Variants in EYS observed in about 807,000 individuals in gnomAD.
The protein encoded by EYS is EGF-like photoreceptor maintenance factor, also known as protein eyes shut homolog.
A neutral mutation model predicts 282.1 loss-of-function variants in EYS; 250 were observed. That is an observed-to-expected ratio of 0.89 (90% CI 0.80 to 0.98). The LOEUF is 0.98. Among genes scored for constraint, EYS ranks in the 50% least tolerant of loss-of-function variants. The pLI is 0.00. For synonymous variants in EYS, 1,355 were observed against 1,282.9 expected (o/e 1.06, Z -1.20); for missense variants, 4,016 against 3,709.0 (o/e 1.08, Z -2.15).
intron 33 of EYS, among the ~76,000 whole-genome samples, chr6:64,019,048 T>G (rs1193724336): frequency 6.6e-6 from 1 of 152,166 alleles, no homozygotes; most frequent in East Asian, 1.9e-4. Context: ...GTGCTGGGAT[T>G]ACAGGTGTGA....
chr6:65,227,000 C>T (rs1475888481), intron 12 of EYS, among the ~76,000 whole-genome samples: 5 of 151,942 alleles, frequency 3.3e-5, no homozygotes, highest in African/African-American at 7.3e-5. Context: ...TTTGGGAGGC[C>T]GAGGCCTGTG....
At chr6:65,630,100 C>T (rs1766860000) in intron 2 of EYS, among the ~76,000 whole-genome samples, 1 of 152,204 alleles carries the variant, frequency 6.6e-6, no homozygotes, top group Non-Finnish European at 1.5e-5. Flanking sequence ...GTAAAAGCAC[C>T]TCATAAATTC....
At chr6:63,935,103 GGA>G (rs1193406135) in intron 35 of EYS, among the ~76,000 whole-genome samples, 2 of 152,022 alleles carry the variant, frequency 1.3e-5, no homozygotes, top group African/African-American at 2.4e-5. Flanking sequence ...ATGTCTTCAT[GGA>G]AATTTTTCCA....
intron 30 of EYS, among the ~76,000 whole-genome samples, chr6:64,237,832 A>G (rs1008723905): frequency 6.6e-6 from 1 of 152,190 alleles, no homozygotes; most frequent in Non-Finnish European, 1.5e-5. Context: ...TAAAAAACAT[A>G]TATAATTGTC....
At chr6:64,292,797 T>C (rs1345133800) in intron 30 of EYS, among the ~76,000 whole-genome samples, 1 of 152,040 alleles carries the variant, frequency 6.6e-6, no homozygotes, top group Non-Finnish European at 1.5e-5. Flanking sequence ...CTAGAAATGA[T>C]AACATATATG....
Position 65,008,505 on chromosome 6 carries a change from C to A in EYS, c.2138-10802G>T, listed in dbSNP as rs563969167. 2.0e-5 allele frequency among the ~76,000 whole-genome samples: 3 copies of A among 152,264 alleles called. No individual in the cohort carries two copies. The South Asian group carries it at 6.2e-4, about 32-fold the overall frequency. On this transcript the variant is annotated intron_variant, in intron 13 of 42. Transcript: ENST00000503581. ...GCTTTAGTCATGGCCCTCAGGCAAG[C>A]GGACTTCGGAGGCTCTGGAAAAGGG... is the stretch of plus-strand genomic sequence containing the variant.
chr6:65,661,911 T>C (rs1307939465), intron 1 of EYS, among the ~76,000 whole-genome samples: 2 of 152,114 alleles, frequency 1.3e-5, no homozygotes, highest in African/African-American at 4.8e-5. Flanking sequence ...AGGATCTTTC[T>C]GTGTCAGTTT....
intron 12 of EYS, among the ~76,000 whole-genome samples, chr6:65,112,866 T>A (rs6455026): frequency 6.6e-6 from 1 of 151,936 alleles, no homozygotes; most frequent in African/African-American, 2.4e-5. Flanking sequence ...ACAGTTGCCC[T>A]TCATAAAATA....
intron 19 of EYS, among the ~76,000 whole-genome samples, chr6:64,869,244 C>T (rs1422417092): frequency 6.6e-6 from 1 of 151,452 alleles, no homozygotes; most frequent in East Asian, 1.9e-4. Flanking sequence ...TATTATAATC[C>T]ATGCTCAGTT....
chr6:65,457,334 C>CT (rs1051593228), intron 5 of EYS, among the ~76,000 whole-genome samples: 32 of 151,030 alleles, frequency 2.1e-4, no homozygotes, highest in African/African-American at 3.2e-4. Context: ...TCAGCTAATT[C>CT]TTTTTTTTTC....
intron 36 of EYS, chr6:63,857,634 C>A: frequency 2.3e-6 from 1 of 443,786 alleles, no homozygotes. Flanking sequence ...TGTGCATTTT[C>A]TGGAGCTGGA....
intron 37 of EYS, among the ~76,000 whole-genome samples, chr6:63,795,226 G>C (rs114348455): frequency 5.6e-4 from 86 of 152,280 alleles, no homozygotes; most frequent in African/African-American, 1.9e-3. Flanking sequence ...CAAATCTCAT[G>C]GGGCAACAAG....
chr6:64,672,244 G>A (rs1265992236), intron 22 of EYS, among the ~76,000 whole-genome samples: 1 of 152,104 alleles, frequency 6.6e-6, no homozygotes, highest in African/African-American at 2.4e-5. Flanking sequence ...CTTACTCAGC[G>A]GTAATGAAAC....
chr6:65,516,151 A>G (rs1767126202), intron 2 of EYS, among the ~76,000 whole-genome samples: 1 of 152,222 alleles, frequency 6.6e-6, no homozygotes, highest in Admixed American at 6.5e-5. Context: ...AAAAGAGAAC[A>G]TATATATTAA....
At chr6:63,910,573 C>T (rs1773888593) in intron 35 of EYS, among the ~76,000 whole-genome samples, 1 of 152,102 alleles carries the variant, frequency 6.6e-6, no homozygotes, top group African/African-American at 2.4e-5. Flanking sequence ...TTCATGGCTT[C>T]TGTGTTGTAT....
At chr6:64,785,907 G>A (rs1352234223) in intron 22 of EYS, among the ~76,000 whole-genome samples, 2 of 152,186 alleles carry the variant, frequency 1.3e-5, no homozygotes, top group Admixed American at 6.5e-5. Context: ...CTTTCAAAAT[G>A]TCAGTAAATA....
At chr6:64,536,888 T>G (rs978289310) in intron 26 of EYS, among the ~76,000 whole-genome samples, 13 of 151,818 alleles carry the variant, frequency 8.6e-5, no homozygotes, top group African/African-American at 2.7e-4. Flanking sequence ...GCCAATCAGA[T>G]TATATGATTT....
chr6:64,881,566 C>T (rs902214296), intron 19 of EYS, among the ~76,000 whole-genome samples: 1 of 151,650 alleles, frequency 6.6e-6, no homozygotes, highest in Non-Finnish European at 1.5e-5. Context: ...CTCTCTTTAC[C>T]GTAACATAAG....
chr6:64,792,100 C>T (rs1774209103), intron 22 of EYS, among the ~76,000 whole-genome samples: 1 of 151,802 alleles, frequency 6.6e-6, no homozygotes, highest in African/African-American at 2.4e-5. Context: ...ACTCAATTTT[C>T]TCACACTTTT....
Sources: gnomAD v4.1 joint callset for allele counts (sites outside exome capture counted in the v4.1 genomes callset) on GRCh38, gnomAD v4.1.1 for gene constraint, MANE v1.5 for transcripts, NCBI Gene and HGNC (gene_info 2026-07-23, HGNC 2026-07-21) for gene names.